The following CTNNA3 variants were observed in gnomAD, a reference collection of about 807,000 sequenced individuals.
CTNNA3 encodes catenin alpha-3.
A neutral mutation model predicts 95.7 loss-of-function variants in CTNNA3; 76 were observed. The observed-to-expected ratio is 0.79, with a 90% CI of 0.66 to 0.96. The LOEUF is 0.96. Among genes scored for constraint, CTNNA3 ranks in the 40% least tolerant of loss-of-function variants. CTNNA3 has a pLI of 0.00. For synonymous variants in CTNNA3, 431 were observed against 374.4 expected, an observed-to-expected ratio of 1.15 and a Z score of -1.74; for missense variants, 1,191 against 1,089.8, an observed-to-expected ratio of 1.09 and a Z score of -1.31.
At chr10:66,765,960 T>C (rs1011805264) in intron 9 of CTNNA3, among the ~76,000 whole-genome samples, 6 of 152,170 alleles carry the variant, frequency 3.9e-5, no homozygotes, top group African/African-American at 1.4e-4. Flanking sequence ...TAATATGTGA[T>C]AGAGTATTTG....
intron 11 of CTNNA3, among the ~76,000 whole-genome samples, chr10:66,464,918 G>C (rs1838843755): frequency 6.6e-6 from 1 of 151,942 alleles, no homozygotes. Context: ...TTAAACATAA[G>C]CTCTCTATTC....
chr10:66,422,381 A>T (rs1359665882), intron 11 of CTNNA3, among the ~76,000 whole-genome samples: 2 of 151,880 alleles, frequency 1.3e-5, no homozygotes, highest in Non-Finnish European at 2.9e-5. Flanking sequence ...TTCTATGACC[A>T]CTCCAGTTTC....
chr10:66,011,726 A>G (rs1178601097), intron 15 of CTNNA3, among the ~76,000 whole-genome samples: 1 of 152,100 alleles, frequency 6.6e-6, no homozygotes, highest in Non-Finnish European at 1.5e-5. Context: ...TGCCAGTTTC[A>G]TTTATTCTCT....
intron 7 of CTNNA3, among the ~76,000 whole-genome samples, chr10:66,878,444 G>A (rs1488400385): frequency 6.6e-6 from 1 of 152,050 alleles, no homozygotes; most frequent in African/African-American, 2.4e-5. Context: ...TCCCCAGCAC[G>A]CTGCCAGTAT....
intron 7 of CTNNA3, among the ~76,000 whole-genome samples, chr10:67,038,364 T>G (rs1854193924): frequency 6.6e-6 from 1 of 152,066 alleles, no homozygotes; most frequent in Non-Finnish European, 1.5e-5. Flanking sequence ...TATATGTCAA[T>G]TAATATCATT....
chr10:67,662,584 G>A (rs892831818), intron 1 of CTNNA3, among the ~76,000 whole-genome samples: 8 of 152,158 alleles, frequency 5.3e-5, no homozygotes, highest in Non-Finnish European at 4.4e-5. Context: ...GCGTTTTGCT[G>A]AGTGAGAATC....
chr10:66,289,801 G>A (rs571012504), intron 12 of CTNNA3, among the ~76,000 whole-genome samples: 277 of 152,130 alleles, frequency 1.8e-3, no homozygotes, highest in Non-Finnish European at 2.3e-3. Context: ...CATGTTTAAA[G>A]TAGTTATAGA....
intron 11 of CTNNA3, among the ~76,000 whole-genome samples, chr10:66,457,304 A>G (rs189412343): frequency 2.6e-5 from 4 of 152,058 alleles, no homozygotes; most frequent in Admixed American, 1.3e-4. Flanking sequence ...TTCAAACCAC[A>G]TGTCTAACAC....
At chr10:67,005,708 C>T (rs138451912) in intron 7 of CTNNA3, among the ~76,000 whole-genome samples, 14 of 9,084 alleles carry the variant, frequency 1.5e-3, no homozygotes, top group Non-Finnish European at 2.8e-3. Context: ...TTTTTTGAGA[C>T]GGAGTCTTGA....
intron 9 of CTNNA3, among the ~76,000 whole-genome samples, chr10:66,694,230 AG>A (rs1847670950): frequency 6.6e-6 from 1 of 152,124 alleles, no homozygotes; most frequent in African/African-American, 2.4e-5. Flanking sequence ...CTAATAAAGA[AG>A]AAAAGAGAGA....
rs1589210450 is a variant in CTNNA3 at position 66,408,509 on chromosome 10, A to G, written c.1532-29157T>C. ...AAAGTAGACAAATATTCTCTTCAGT[A>G]TCCTTCTATCTTTATATCATCTTTT... is the stretch of plus-strand genomic sequence containing the variant. On this transcript the variant is annotated intron_variant, in intron 11 of 17. Transcript: ENST00000433211. Among the ~76,000 whole-genome samples the G allele has an allele frequency of 5.3e-5, 8 of 152,156 alleles. No homozygotes were observed. In the South Asian group the frequency reaches 1.7e-3, roughly 32 times the overall value.
intron 7 of CTNNA3, among the ~76,000 whole-genome samples, chr10:67,092,203 C>G (rs1857685323): frequency 6.6e-6 from 1 of 151,816 alleles, no homozygotes. Flanking sequence ...TTTCAACAAC[C>G]TAGAGAGTTA....
intron 10 of CTNNA3, among the ~76,000 whole-genome samples, chr10:66,522,474 A>G (rs184640675): frequency 4.2e-4 from 64 of 152,162 alleles, no homozygotes; most frequent in African/African-American, 1.5e-3. Context: ...TTCTTATGAT[A>G]GTTGAGTTCT....
intron 9 of CTNNA3, among the ~76,000 whole-genome samples, chr10:66,675,332 T>C (rs1484540693): frequency 6.6e-6 from 1 of 152,050 alleles, no homozygotes; most frequent in Non-Finnish European, 1.5e-5. Flanking sequence ...TTTTTGCTCA[T>C]TTTGTGCTTC....
chr10:66,923,086 G>A (rs1177609789), intron 7 of CTNNA3, among the ~76,000 whole-genome samples: 1 of 152,108 alleles, frequency 6.6e-6, no homozygotes, highest in Non-Finnish European at 1.5e-5. Flanking sequence ...TCAGTTGTTA[G>A]TATTAAGACT....
intron 9 of CTNNA3, among the ~76,000 whole-genome samples, chr10:66,729,613 T>C (rs1303511094): frequency 3.9e-5 from 6 of 152,130 alleles, no homozygotes; most frequent in African/African-American, 1.4e-4. Context: ...GGCATAAGAA[T>C]TATACAGTGA....
chr10:67,328,125 C>T (rs1384736217), intron 5 of CTNNA3, among the ~76,000 whole-genome samples: 2 of 152,108 alleles, frequency 1.3e-5, no homozygotes, highest in African/African-American at 4.8e-5. Context: ...CAAAACCCAC[C>T]TCCACAGACA....
chr10:66,727,229 C>G (rs1283405928), intron 9 of CTNNA3, among the ~76,000 whole-genome samples: 2 of 151,916 alleles, frequency 1.3e-5, no homozygotes, highest in Non-Finnish European at 2.9e-5. Flanking sequence ...GGATTCCTTT[C>G]AACTCTAAAT....
At chr10:66,759,135 A>G (rs1178710672) in intron 9 of CTNNA3, among the ~76,000 whole-genome samples, 3 of 152,184 alleles carry the variant, frequency 2.0e-5, no homozygotes, top group African/African-American at 7.2e-5. Context: ...GGAAAATGTC[A>G]CCGCTTGTCA....
Sources: allele counts gnomAD v4.1 joint callset (sites outside exome capture counted in the v4.1 genomes callset), GRCh38; gene constraint gnomAD v4.1.1; transcripts MANE v1.5; gene names NCBI Gene and HGNC (gene_info 2026-07-23, HGNC 2026-07-21).